ZNF423: variants seen among roughly 807,000 people sequenced by gnomAD.
The protein encoded by ZNF423 is zinc finger protein 423, also known as Ebf-associated zinc finger protein.
Under a neutral mutation model 95.8 loss-of-function variants are expected in ZNF423, and 12 were observed. The ratio of observed to expected loss-of-function variants is 0.13; its 90% CI spans 0.08 to 0.20. The LOEUF is 0.20. ZNF423 is among the 10% of genes least tolerant of loss of function. The pLI, the probability that ZNF423 is intolerant of heterozygous loss-of-function variation, is 1.00. For synonymous variants in ZNF423, 749 were observed against 711.9 expected, an observed-to-expected ratio of 1.05 and a Z score of -0.83; for missense variants, 1,316 against 1,737.1, an observed-to-expected ratio of 0.76 and a Z score of 4.31.
chr16:49,842,308 C>CGAGGGGAGGG (rs2035193669), intron 1 of ZNF423, among the ~76,000 whole-genome samples: 2 of 8,072 alleles, frequency 2.5e-4, no homozygotes. Flanking sequence ...GGAGGGGAGG[C>CGAGGGGAGGG]GAGGGAAGGG....
chr16:49,513,906 C>A (rs914141633), intron 7 of ZNF423, among the ~76,000 whole-genome samples: 1 of 151,984 alleles, frequency 6.6e-6, no homozygotes, highest in Non-Finnish European at 1.5e-5. Flanking sequence ...GGCAGATAGG[C>A]AGGTGTACGT....
chr16:49,850,640 T>C (rs1349723395), intron 1 of ZNF423, among the ~76,000 whole-genome samples: 1 of 152,146 alleles, frequency 6.6e-6, no homozygotes, highest in Non-Finnish European at 1.5e-5. Flanking sequence ...CTAACCTATG[T>C]CAAAGAGTGA....
chr16:49,549,856 C>G (rs1291504417), intron 5 of ZNF423, among the ~76,000 whole-genome samples: 1 of 151,952 alleles, frequency 6.6e-6, no homozygotes, highest in East Asian at 1.9e-4. Flanking sequence ...CTGTACTTTT[C>G]AAATATGTTT....
At chr16:49,577,985 G>A (rs1355349175) in intron 5 of ZNF423, among the ~76,000 whole-genome samples, 3 of 152,234 alleles carry the variant, frequency 2.0e-5, no homozygotes. Context: ...GTGGGCAGGT[G>A]GAAGAAGGCG....
At chr16:49,511,820 G>A (rs1303005756) in intron 7 of ZNF423, among the ~76,000 whole-genome samples, 2 of 152,156 alleles carry the variant, frequency 1.3e-5, no homozygotes, top group Non-Finnish European at 2.9e-5. Flanking sequence ...GAACACCCTT[G>A]CCCCACTTGA....
intron 2 of ZNF423, among the ~76,000 whole-genome samples, chr16:49,743,835 G>A (rs948470158): frequency 1.3e-5 from 2 of 152,146 alleles, no homozygotes; most frequent in South Asian, 4.1e-4. Flanking sequence ...AAATTAACCA[G>A]TTGCCAGGCA....
chr16:49,691,086 G>C (rs1276766021), intron 3 of ZNF423, among the ~76,000 whole-genome samples: 2 of 152,246 alleles, frequency 1.3e-5, no homozygotes, highest in Non-Finnish European at 2.9e-5. Context: ...GCGGCCCTTA[G>C]TGGGGAAGAA....
At chr16:49,556,523 G>T (rs9924026) in intron 5 of ZNF423, among the ~76,000 whole-genome samples, 38,316 of 152,046 alleles carry the variant, frequency 0.25, 7,252 homozygotes, top group African/African-American at 0.54. Context: ...ACTTTGCACA[G>T]AGAGGAACTC....
intron 1 of ZNF423, among the ~76,000 whole-genome samples, chr16:49,809,842 G>A (rs1001944654): frequency 6.6e-6 from 1 of 152,148 alleles, no homozygotes; most frequent in African/African-American, 2.4e-5. Context: ...GGGTCCACCC[G>A]GGAGCTCTTA....
chr16:49,597,862 C>A (rs1309095418), intron 5 of ZNF423, among the ~76,000 whole-genome samples: 1 of 152,170 alleles, frequency 6.6e-6, no homozygotes, highest in African/African-American at 2.4e-5. Flanking sequence ...ATGAAGAGGG[C>A]AGGACCACAG....
At chr16:49,539,301 G>A (rs557348307) in intron 5 of ZNF423, among the ~76,000 whole-genome samples, 19 of 152,302 alleles carry the variant, frequency 1.2e-4, no homozygotes, top group African/African-American at 4.3e-4. Context: ...CTCTGTGGGG[G>A]TGACGCGGTG....
intron 5 of ZNF423, among the ~76,000 whole-genome samples, chr16:49,559,684 C>A (rs1478220147): frequency 1.3e-5 from 2 of 152,230 alleles, no homozygotes; most frequent in Non-Finnish European, 2.9e-5. Context: ...CAAGCTCCAT[C>A]TTTTGTGCAT....
At chr16:49,840,131 C>A (rs1208631155) in intron 1 of ZNF423, among the ~76,000 whole-genome samples, 1 of 152,176 alleles carries the variant, frequency 6.6e-6, no homozygotes, top group East Asian at 1.9e-4. Context: ...AGCCTTGAAA[C>A]CTAAACCGTG....
At chr16:49,607,385 T>C (rs936921851) in intron 5 of ZNF423, among the ~76,000 whole-genome samples, 6 of 152,204 alleles carry the variant, frequency 3.9e-5, no homozygotes, top group Non-Finnish European at 8.8e-5. Context: ...ATGTTATCAG[T>C]AGAAATGACT....
intron 7 of ZNF423, among the ~76,000 whole-genome samples, chr16:49,504,092 G>A (rs1337316018): frequency 3.9e-5 from 6 of 152,160 alleles, no homozygotes; most frequent in Non-Finnish European, 5.9e-5. Context: ...GCTGGGGGCT[G>A]GGAAAAGGGG....
rs551786705 is a variant in ZNF423, at chr16:49,664,365, G to T, written c.302-25491C>A. 136 of 883,084 alleles carry T rather than the reference G, an allele frequency of 1.5e-4. 1 individual carries two copies. The African/African-American group carries it at 2.4e-3, about 15-fold the overall frequency. The allele number at this position is 883,084 out of a possible 1,614,324, so 54.7% of individuals were successfully genotyped here. On this transcript the variant is annotated intron_variant, in intron 3 of 7. Transcript: ENST00000563137. ...GGAAGGGCCTTGGGGAAGAAAAGGG[G>T]CTGGGAAAAGGCACAGATGGGGAGG...
At chr16:49,728,974 G>T (rs558568863) in intron 3 of ZNF423, among the ~76,000 whole-genome samples, 3 of 152,182 alleles carry the variant, frequency 2.0e-5, no homozygotes, top group South Asian at 2.1e-4. Context: ...ATCGTGATCC[G>T]CCTGCCTCAG....
chr16:49,728,754 A>G (rs898073575), intron 3 of ZNF423, among the ~76,000 whole-genome samples: 1 of 150,624 alleles, frequency 6.6e-6, no homozygotes, highest in Admixed American at 6.6e-5. Flanking sequence ...CTTTTTTGAG[A>G]TGGGGTCTCG....
At chr16:49,588,304 C>G (rs1970904061) in intron 5 of ZNF423, among the ~76,000 whole-genome samples, 1 of 152,208 alleles carries the variant, frequency 6.6e-6, no homozygotes, top group South Asian at 2.1e-4. Flanking sequence ...ATGAGATGAA[C>G]ATCTTCCTCC....
Sources: gnomAD v4.1 joint callset for allele counts (sites outside exome capture counted in the v4.1 genomes callset) on GRCh38, gnomAD v4.1.1 for gene constraint, MANE v1.5 for transcripts, NCBI Gene and HGNC (gene_info 2026-07-23, HGNC 2026-07-21) for gene names.